SEL1L2: variants seen among roughly 807,000 people sequenced by gnomAD.
The protein encoded by SEL1L2 is protein sel-1 homolog 2.
A neutral mutation model predicts 98.8 loss-of-function variants in SEL1L2; 89 were observed. The observed-to-expected ratio is 0.90, with a 90% confidence interval of 0.76 to 1.07. The LOEUF (loss-of-function observed/expected upper bound fraction) is 1.07. SEL1L2 is among the 50% of genes least tolerant of loss of function. The probability of loss-of-function intolerance (pLI) is 0.00; values close to 1 mark genes in which losing one functional copy is unlikely to be tolerated. For synonymous variants in SEL1L2, 262 were observed against 278.5 expected, an observed-to-expected ratio of 0.94 and a Z score of 0.59; for missense variants, 788 against 812.0, an observed-to-expected ratio of 0.97 and a Z score of 0.36.
At chr20:13,956,206 T>C (rs1600912222) in intron 1 of SEL1L2, 75 bp from the exon 2 acceptor site, 1 of 738,314 alleles carries the variant, frequency 1.4e-6, no homozygotes, top group East Asian at 2.9e-5. Flanking sequence ...CAATTTATTG[T>C]TAAAAAAACT....
At chr20:13,894,052 G>C (rs1341482237) in intron 5 of SEL1L2, among the ~76,000 whole-genome samples, 1 of 151,972 alleles carries the variant, frequency 6.6e-6, no homozygotes, top group Non-Finnish European at 1.5e-5. Flanking sequence ...TGCTAAGAGG[G>C]AAGTTTAGAG....
chr20:13,858,900 T>C (rs1989591800), intron 18 of SEL1L2, among the ~76,000 whole-genome samples: 1 of 152,184 alleles, frequency 6.6e-6, no homozygotes, highest in South Asian at 2.1e-4. Flanking sequence ...CCTGAGAGCT[T>C]GAGAACCAGT....
chr20:13,869,617 C>G (rs1196612493), intron 13 of SEL1L2, 27 bp from the exon 14 acceptor site: 1 of 1,567,010 alleles, frequency 6.4e-7, no homozygotes, highest in African/African-American at 1.4e-5. Flanking sequence ...CTCTATTACT[C>G]AAAGGCACAA....
chr20:13,978,974 C>T (rs1463886749), intron 1 of SEL1L2, among the ~76,000 whole-genome samples: 6 of 152,076 alleles, frequency 3.9e-5, no homozygotes, highest in African/African-American at 4.8e-5. Context: ...GCACAAGAAT[C>T]GCTTGAAACC....
At chr20:13,993,046 G>C (rs117238363), upstream of SEL1L2, among the ~76,000 whole-genome samples, 2 of 152,172 alleles carry the variant, frequency 1.3e-5, no homozygotes, top group Non-Finnish European at 2.9e-5. Flanking sequence ...GAAAGTCATT[G>C]AATGACTTAC....
chr20:13,966,430 T>C (rs2051045782), intron 1 of SEL1L2, among the ~76,000 whole-genome samples: 1 of 152,072 alleles, frequency 6.6e-6, no homozygotes, highest in African/African-American at 2.4e-5. Flanking sequence ...GCGATTCTCC[T>C]GCCTCAGCCT....
At chr20:13,899,604 T>G (rs556409392) in intron 5 of SEL1L2, among the ~76,000 whole-genome samples, 2 of 152,246 alleles carry the variant, frequency 1.3e-5, no homozygotes, top group South Asian at 4.1e-4. Context: ...CAAGCCCTTT[T>G]TTTTATAAGG....
chr20:13,860,534 C>T (rs184305295), intron 17 of SEL1L2, among the ~76,000 whole-genome samples: 28 of 152,316 alleles, frequency 1.8e-4, no homozygotes, highest in East Asian at 1.4e-3. Flanking sequence ...ACTGCCTTCT[C>T]TTGGTTTCCC....
At chr20:13,944,917 T>G (rs571300831) in intron 2 of SEL1L2, among the ~76,000 whole-genome samples, 1 of 152,312 alleles carries the variant, frequency 6.6e-6, no homozygotes, top group African/African-American at 2.4e-5. Flanking sequence ...AATAATAAAT[T>G]TGACTAGGGA....
At chr20:13,953,540 G>C (rs2050376121) in intron 2 of SEL1L2, among the ~76,000 whole-genome samples, 1 of 152,152 alleles carries the variant, frequency 6.6e-6, no homozygotes, top group South Asian at 2.1e-4. Flanking sequence ...GGTGTAAAAG[G>C]GTCCCTGGAG....
At chr20:13,968,418 A>C (rs945496011) in intron 1 of SEL1L2, among the ~76,000 whole-genome samples, 1 of 152,238 alleles carries the variant, frequency 6.6e-6, no homozygotes, top group Admixed American at 6.5e-5. Context: ...GTGCCTAATA[A>C]ATGTTATTCT....
chr20:13,877,119 C>T (rs1178385776), intron 11 of SEL1L2, among the ~76,000 whole-genome samples: 1 of 152,140 alleles, frequency 6.6e-6, no homozygotes, highest in Non-Finnish European at 1.5e-5. Context: ...GCCACCGTGC[C>T]CGGCCAAGGT....
At chr20:13,927,477 G>A (rs1460240284) in intron 3 of SEL1L2, among the ~76,000 whole-genome samples, 1 of 152,114 alleles carries the variant, frequency 6.6e-6, no homozygotes, top group African/African-American at 2.4e-5. Context: ...AGTTTTCTCT[G>A]TTTTTAAAAT....
chr20:13,920,374 G>A (rs1337368739), intron 3 of SEL1L2, among the ~76,000 whole-genome samples: 5 of 152,016 alleles, frequency 3.3e-5, no homozygotes, highest in Non-Finnish European at 7.3e-5. Flanking sequence ...CAGAATTCAA[G>A]GAAAATGAAG....
intron 2 of SEL1L2, among the ~76,000 whole-genome samples, chr20:13,950,996 G>T (rs1270942813): frequency 1.3e-5 from 2 of 152,084 alleles, no homozygotes; most frequent in South Asian, 2.1e-4. Flanking sequence ...CTGATTAGAG[G>T]CCGGGCGCGG....
intron 1 of SEL1L2, among the ~76,000 whole-genome samples, chr20:13,981,173 T>C (rs2263676): frequency 0.25 from 37,556 of 151,694 alleles, 5,163 homozygotes; most frequent in African/African-American, 0.38. Context: ...ACTCGGGAGG[T>C]GGAGGTTGCA....
chr20:13,915,159 C>G (rs1227097294), intron 4 of SEL1L2: 2 of 1,289,736 alleles, frequency 1.6e-6, no homozygotes. Context: ...CTAAAATAAG[C>G]TGCTCTTGGG....
At chr20:13,984,449 A>G (rs2052042094) in intron 1 of SEL1L2, among the ~76,000 whole-genome samples, 1 of 152,118 alleles carries the variant, frequency 6.6e-6, no homozygotes, top group Non-Finnish European at 1.5e-5. Context: ...GGCAATTTCT[A>G]TGTTCTTAGT....
intron 3 of SEL1L2, among the ~76,000 whole-genome samples, chr20:13,921,442 G>C (rs1268826310): frequency 6.6e-6 from 1 of 152,170 alleles, no homozygotes; most frequent in Non-Finnish European, 1.5e-5. Context: ...AAAATGCTGG[G>C]ATTACAGGCG....
Sources: gnomAD v4.1 joint callset for allele counts (sites outside exome capture counted in the v4.1 genomes callset) on GRCh38, gnomAD v4.1.1 for gene constraint, MANE v1.5 for transcripts, NCBI Gene and HGNC (gene_info 2026-07-23, HGNC 2026-07-21) for gene names.